LRBA: variants seen among roughly 807,000 people sequenced by gnomAD.
The protein encoded by LRBA is LPS responsive beige-like anchor protein.
Under a neutral mutation model 330.0 loss-of-function variants are expected in LRBA, and 176 were observed. That is an observed-to-expected ratio of 0.53 (90% CI 0.47 to 0.60). The LOEUF (loss-of-function observed/expected upper bound fraction) is 0.60, where lower values mean the gene tolerates loss of function less well. Among genes scored for constraint, LRBA ranks in the 20% least tolerant of loss-of-function variants. LRBA has a pLI of 0.00. For missense variants in LRBA, 3,259 were observed against 3,444.8 expected (o/e 0.95, Z 1.35); for synonymous variants, 1,230 against 1,193.0 (o/e 1.03, Z -0.64).
At chr4:150,558,279 G>C (rs751274272) in intron 40 of LRBA, among the ~76,000 whole-genome samples, 52 of 152,012 alleles carry the variant, frequency 3.4e-4, no homozygotes, top group Non-Finnish European at 5.9e-4. Flanking sequence ...TTTCTTTTGG[G>C]GGGAGTATCT....
intron 48 of LRBA, among the ~76,000 whole-genome samples, chr4:150,335,282 A>G (rs1734511006): frequency 6.6e-6 from 1 of 151,942 alleles, no homozygotes; most frequent in African/African-American, 2.4e-5. Flanking sequence ...CATTAAAATG[A>G]GTTGAATACA....
Position 150,963,068 on chromosome 4 carries a change from G to A in LRBA, c.217-34003C>T, listed in dbSNP as rs541097359. ...AGTCAAATCAATCCCTTTAAAATAAGAAGCTTCTAGAAAATAACAAAAACA... is the reference window on the plus strand; with the variant it reads ...AGTCAAATCAATCCCTTTAAAATAAAAAGCTTCTAGAAAATAACAAAAACA... On this transcript the variant is annotated intron_variant, in intron 2 of 56. Transcript: ENST00000651943. Among the ~76,000 whole-genome samples, 9 of 138,752 alleles carry A rather than the reference G, an allele frequency of 6.5e-5. 1 individual carries two copies. In the South Asian group the frequency reaches 6.6e-4, roughly 10 times the overall value. 91.0% of individuals were successfully genotyped at this position (138,752 alleles called of 152,430 possible).
At chr4:150,391,168 G>C (rs527651432) in intron 47 of LRBA, among the ~76,000 whole-genome samples, 1 of 152,246 alleles carries the variant, frequency 6.6e-6, no homozygotes, top group South Asian at 2.1e-4. Context: ...TCTTTCCAAA[G>C]GGCTAAAATG....
chr4:150,729,321 A>G (rs948656803), intron 36 of LRBA, among the ~76,000 whole-genome samples: 10 of 152,322 alleles, frequency 6.6e-5, no homozygotes, highest in African/African-American at 1.9e-4. Flanking sequence ...CAAGCAATCA[A>G]TCAATATCAG....
chr4:150,445,103 A>G (rs552277094), intron 44 of LRBA, among the ~76,000 whole-genome samples: 9 of 152,210 alleles, frequency 5.9e-5, no homozygotes, highest in African/African-American at 2.2e-4. Flanking sequence ...AGATCTATCA[A>G]TTTGCAGATA....
intron 44 of LRBA, among the ~76,000 whole-genome samples, chr4:150,449,362 A>T (rs1753062711): frequency 6.6e-6 from 1 of 151,980 alleles, no homozygotes; most frequent in Non-Finnish European, 1.5e-5. Context: ...TGTGGATGCC[A>T]TGAGGGGTAG....
intron 50 of LRBA, among the ~76,000 whole-genome samples, chr4:150,319,631 C>T (rs549561352): frequency 7.9e-5 from 12 of 152,098 alleles, no homozygotes; most frequent in Admixed American, 6.5e-4. Context: ...TAAATATCTG[C>T]CTCCATTTTT....
intron 13 of LRBA, among the ~76,000 whole-genome samples, chr4:150,904,522 A>C (rs1318531412): frequency 6.6e-6 from 1 of 152,186 alleles, no homozygotes. Flanking sequence ...TAAGAAAATC[A>C]TAAGATGAAT....
chr4:150,679,974 C>T (rs1172346696), intron 37 of LRBA, among the ~76,000 whole-genome samples: 1 of 152,116 alleles, frequency 6.6e-6, no homozygotes, highest in Admixed American at 6.5e-5. Context: ...ATCCAGTATT[C>T]TCCATCATCT....
intron 44 of LRBA, among the ~76,000 whole-genome samples, chr4:150,462,617 A>G (rs1754916256): frequency 6.6e-6 from 1 of 151,848 alleles, no homozygotes; most frequent in African/African-American, 2.4e-5. Flanking sequence ...GAGATTACCA[A>G]ATAAAATTGT....
At chr4:150,529,215 T>C (rs1763801419) in intron 40 of LRBA, among the ~76,000 whole-genome samples, 1 of 152,242 alleles carries the variant, frequency 6.6e-6, no homozygotes, top group Non-Finnish European at 1.5e-5. Flanking sequence ...TCTGTGTGTC[T>C]ATCAAAACAG....
rs138973888 is a variant in LRBA, at chr4:150,459,969, T to C, written c.6780+7704A>G. Among the ~76,000 whole-genome samples the C allele has an allele frequency of 4.1e-3, 616 of 152,014 alleles. 5 individuals are homozygous for C. Among genetic ancestry groups the C allele is most frequent in the Non-Finnish European group, 6.2e-3 (418 of 67,864 alleles). On this transcript the variant is annotated intron_variant, in intron 44 of 56. Coordinates refer to ENST00000651943, the MANE Select transcript of LRBA (RefSeq NM_001364905.1). Reference sequence around the variant, plus strand: ...TTCTTTTGGTAAGCTTGAATTCCTTTAGCTTCACTGAAGCCCAATAAATAG... The same window carrying C: ...TTCTTTTGGTAAGCTTGAATTCCTTCAGCTTCACTGAAGCCCAATAAATAG...
intron 40 of LRBA, among the ~76,000 whole-genome samples, chr4:150,555,756 A>AC (rs1767227376): frequency 2.0e-4 from 29 of 144,700 alleles, no homozygotes; most frequent in South Asian, 4.5e-4. Flanking sequence ...GTCTTATAAA[A>AC]ACACACACAC....
chr4:150,308,202 TAC>T (rs1323647866), intron 52 of LRBA, among the ~76,000 whole-genome samples: 2 of 152,250 alleles, frequency 1.3e-5, no homozygotes, highest in Non-Finnish European at 1.5e-5. Flanking sequence ...TGTCATAATA[TAC>T]AGTCATGAGC....
chr4:150,441,893 A>T (rs1751886463), intron 44 of LRBA, among the ~76,000 whole-genome samples: 1 of 152,198 alleles, frequency 6.6e-6, no homozygotes. Flanking sequence ...TTTAAAGGCC[A>T]ATATAAGTAA....
rs1351728462 is a variant in LRBA, at chr4:150,310,398, G to A, written c.7694-14C>T. On this transcript the variant is annotated splice_polypyrimidine_tract_variant and intron_variant, in intron 51 of 56. Transcript: ENST00000651943. Reference sequence around the variant, plus strand: ...CTGTATTGCTGGCTGTAAGAATAGGGAGGAAAAACAACTATTAAATCCACA... The same window carrying A: ...CTGTATTGCTGGCTGTAAGAATAGGAAGGAAAAACAACTATTAAATCCACA... 2 of 1,606,252 alleles carry A rather than the reference G, an allele frequency of 1.2e-6. No homozygotes were observed. Among genetic ancestry groups the A allele is most frequent in the East Asian group, 2.2e-5 (1 of 44,758 alleles).
chr4:150,627,464 G>C (rs952219311), intron 37 of LRBA, among the ~76,000 whole-genome samples: 1 of 151,768 alleles, frequency 6.6e-6, no homozygotes, highest in Non-Finnish European at 1.5e-5. Flanking sequence ...ATTTTCTATA[G>C]AACATCACTT....
chr4:150,604,731 T>C (rs1373118361), intron 37 of LRBA, among the ~76,000 whole-genome samples: 1 of 152,218 alleles, frequency 6.6e-6, no homozygotes, highest in Non-Finnish European at 1.5e-5. Context: ...CCTGGAGTTA[T>C]GCAATGCTCA....
intron 56 of LRBA, among the ~76,000 whole-genome samples, chr4:150,267,741 C>G (rs1317668567): frequency 6.6e-6 from 1 of 151,920 alleles, no homozygotes; most frequent in African/African-American, 2.4e-5. Context: ...GAAAAAATAA[C>G]AAAATTGACA....
Sources: gnomAD v4.1 joint callset for allele counts (sites outside exome capture counted in the v4.1 genomes callset) on GRCh38, gnomAD v4.1.1 for gene constraint, MANE v1.5 for transcripts, NCBI Gene and HGNC (gene_info 2026-07-23, HGNC 2026-07-21) for gene names.